The following PTPRN2 variants were observed in gnomAD, a reference collection of about 807,000 sequenced individuals.
PTPRN2 encodes the protein protein tyrosine phosphatase receptor type N2, also known as receptor-type tyrosine-protein phosphatase N2.
A neutral mutation model predicts 118.8 loss-of-function variants in PTPRN2; 74 were observed. The observed-to-expected ratio is 0.62, with a 90% CI of 0.52 to 0.76. The LOEUF (loss-of-function observed/expected upper bound fraction) is 0.76, where lower values mean the gene tolerates loss of function less well. PTPRN2 is among the 30% of genes least tolerant of loss of function. The pLI is 0.00. For synonymous variants in PTPRN2, 641 were observed against 608.0 expected (o/e 1.05, Z -0.80); for missense variants, 1,481 against 1,394.4 (o/e 1.06, Z -0.99).
intron 2 of PTPRN2, among the ~76,000 whole-genome samples, chr7:158,430,370 A>C (rs900684411): frequency 2.6e-5 from 4 of 152,230 alleles, no homozygotes; most frequent in African/African-American, 9.6e-5. Flanking sequence ...GTAGACCCGG[A>C]AGTCGGTACC....
At chr7:158,421,396 G>A (rs970394640) in intron 2 of PTPRN2, among the ~76,000 whole-genome samples, 9 of 152,210 alleles carry the variant, frequency 5.9e-5, no homozygotes, top group Admixed American at 3.3e-4. Context: ...AACACTGAGC[G>A]GAGGGCAACG....
intron 12 of PTPRN2, among the ~76,000 whole-genome samples, chr7:157,757,471 C>T (rs762498836): frequency 1.3e-5 from 2 of 152,056 alleles, no homozygotes; most frequent in Non-Finnish European, 2.9e-5. Context: ...CCCCGGCAGG[C>T]GCGGGCAGGG....
chr7:157,759,464 T>G (rs2091256118), intron 12 of PTPRN2, among the ~76,000 whole-genome samples: 1 of 152,246 alleles, frequency 6.6e-6, no homozygotes, highest in South Asian at 2.1e-4. Context: ...CCCAGGAGCC[T>G]GGCGTGTCCA....
intron 11 of PTPRN2, among the ~76,000 whole-genome samples, chr7:157,930,662 C>T (rs1223288294): frequency 6.6e-6 from 1 of 152,226 alleles, no homozygotes; most frequent in Admixed American, 6.5e-5. Flanking sequence ...AATACCATCC[C>T]TGTTCCTGAG....
At chr7:158,139,904 C>T (rs773434461) in intron 6 of PTPRN2, among the ~76,000 whole-genome samples, 25 of 152,086 alleles carry the variant, frequency 1.6e-4, no homozygotes, top group Non-Finnish European at 2.8e-4. Context: ...ATCCTTCAAA[C>T]GAGAGGGTAA....
In PTPRN2 at chr7:157,583,213, G is replaced by T. The variant is rs2150538529; in HGVS notation, c.2497-5073C>A. ...AGGACACGACGTTAAATTGAAATAA[G>T]CCGGACACAGAAGGACAGGCACCCC... On this transcript the variant is annotated intron_variant, in intron 17 of 22. Coordinates refer to ENST00000389418, the MANE Select transcript of PTPRN2 (RefSeq NM_002847.5). The surrounding 1 kb of genome is among the most constrained non-coding windows in gnomAD (Gnocchi z 5.5). Among the ~76,000 whole-genome samples the T allele has an allele frequency of 6.6e-6, 1 of 152,208 alleles. No individual in the cohort carries two copies. The highest frequency in any genetic ancestry group is 2.1e-4 in the South Asian group (1 of 4,822).
At position 158,149,657 on chromosome 7, in the gene PTPRN2, A is replaced by T. The variant is rs1773393490; in HGVS notation, c.911-11142T>A. Among the ~76,000 whole-genome samples, 4 of 152,192 alleles carry T rather than the reference A, an allele frequency of 2.6e-5. No homozygotes were observed. The South Asian group carries it at 6.2e-4, about 24-fold the overall frequency. The stretch of plus-strand genomic sequence containing the variant: ...CATCTCTACTAAAAATACAAAAATG[A>T]CCCAGGCGTGGTGGCGCATGCCTGT... On this transcript the variant is annotated intron_variant, in intron 6 of 22. Coordinates refer to ENST00000389418, the MANE Select transcript of PTPRN2 (RefSeq NM_002847.5).
chr7:157,559,068 C>A (rs1333851696), intron 21 of PTPRN2, among the ~76,000 whole-genome samples: 1 of 152,254 alleles, frequency 6.6e-6, no homozygotes, highest in Admixed American at 6.5e-5. Flanking sequence ...CTGTCTCACG[C>A]AGTTGCTGTG....
chr7:158,149,078 C>CT (rs1820582992), intron 6 of PTPRN2, among the ~76,000 whole-genome samples: 1 of 134,640 alleles, frequency 7.4e-6, no homozygotes, highest in Non-Finnish European at 1.6e-5. Context: ...GTCATTCCCC[C>CT]TCACTGACAC....
intron 1 of PTPRN2, among the ~76,000 whole-genome samples, chr7:158,564,585 A>T (rs1308678919): frequency 6.6e-6 from 1 of 152,218 alleles, no homozygotes; most frequent in African/African-American, 2.4e-5. Context: ...GGTGCATGCC[A>T]GGCCCTGGCC....
At chr7:158,266,513 G>C (rs1156264690) in intron 3 of PTPRN2, among the ~76,000 whole-genome samples, 1 of 151,962 alleles carries the variant, frequency 6.6e-6, no homozygotes, top group African/African-American at 2.4e-5. Context: ...CTGGCAGTGA[G>C]GCTGGGGACG....
intron 11 of PTPRN2, among the ~76,000 whole-genome samples, chr7:158,008,175 G>T (rs1303640589): frequency 6.6e-6 from 1 of 152,008 alleles, no homozygotes; most frequent in Non-Finnish European, 1.5e-5. Context: ...TGTGTGGGGT[G>T]TGCATTGCAC....
chr7:157,829,039 T>C (rs1413585650), intron 12 of PTPRN2, among the ~76,000 whole-genome samples: 2 of 152,250 alleles, frequency 1.3e-5, no homozygotes, highest in Non-Finnish European at 2.9e-5. Flanking sequence ...CAAATGCACT[T>C]GGAGTTCTTC....
In PTPRN2 at chr7:157,974,549, A is replaced by G. The variant is rs1001462; in HGVS notation, c.1724-75812T>C. On this transcript the variant is annotated intron_variant, in intron 11 of 22. Coordinates refer to ENST00000389418, the MANE Select transcript of PTPRN2 (RefSeq NM_002847.5). This position sits in a 1 kb window ranked among gnomAD's most constrained non-coding sequence, Gnocchi z 4.0. ...GGACGATGTGACTGGGGGCTCGTCC[A>G]TGCCTTGTCGTGGACATCTCTGGTC... 0.74 allele frequency among the ~76,000 whole-genome samples: 112,905 copies of G among 151,910 alleles called. 42,049 individuals are homozygous for G. The highest frequency in any genetic ancestry group is 0.85 in the East Asian group (4,360 of 5,120).
intron 13 of PTPRN2, among the ~76,000 whole-genome samples, chr7:157,659,482 G>T (rs1430664740): frequency 7.4e-6 from 1 of 135,466 alleles, no homozygotes; most frequent in Non-Finnish European, 1.6e-5. Flanking sequence ...GGGGGCGGGG[G>T]GGATGACTAT....
At chr7:158,310,154 C>T (rs953040806) in intron 3 of PTPRN2, among the ~76,000 whole-genome samples, 8 of 152,180 alleles carry the variant, frequency 5.3e-5, no homozygotes, top group Admixed American at 1.3e-4. Flanking sequence ...CGGGAAGTAG[C>T]AGCACGGCTG....
chr7:157,836,262 C>T (rs1279007554), intron 12 of PTPRN2, among the ~76,000 whole-genome samples: 1 of 152,192 alleles, frequency 6.6e-6, no homozygotes, highest in African/African-American at 2.4e-5. Flanking sequence ...TGGATGATGG[C>T]AGGTTTATTG....
chr7:158,259,766 T>C (rs1256056583), intron 3 of PTPRN2, among the ~76,000 whole-genome samples: 1 of 148,438 alleles, frequency 6.7e-6, no homozygotes, highest in Admixed American at 6.9e-5. Flanking sequence ...TATGTGCATG[T>C]GTTTGTGTCC....
intron 12 of PTPRN2, among the ~76,000 whole-genome samples, chr7:157,828,569 C>T (rs377147281): frequency 7.0e-6 from 1 of 143,008 alleles, no homozygotes; most frequent in Non-Finnish European, 1.5e-5. Flanking sequence ...CAGGTATGAT[C>T]ACAGCAAGAC....
Sources: gnomAD v4.1 joint callset for allele counts (sites outside exome capture counted in the v4.1 genomes callset) on GRCh38, gnomAD v4.1.1 for gene constraint, Gnocchi (gnomAD v3.1) non-coding constraint, MANE v1.5 for transcripts, NCBI Gene and HGNC (gene_info 2026-07-23, HGNC 2026-07-21) for gene names.